The following DENND1A variants were observed in gnomAD, a reference collection of about 807,000 sequenced individuals.
DENND1A encodes DENN domain containing 1A, also known as DENN domain-containing protein 1A.
DENND1A carries 51 observed loss-of-function variants against 113.7 expected under a neutral mutation model. The observed-to-expected ratio is 0.45, with a 90% CI of 0.36 to 0.57. The LOEUF (loss-of-function observed/expected upper bound fraction) is 0.57, where lower values mean the gene tolerates loss of function less well. Among genes scored for constraint, DENND1A ranks in the 20% least tolerant of loss-of-function variants. The probability of loss-of-function intolerance (pLI) is 0.00; values close to 1 mark genes in which losing one functional copy is unlikely to be tolerated. For synonymous variants in DENND1A, 565 were observed against 570.8 expected (o/e 0.99, Z 0.14); for missense variants, 1,258 against 1,395.9 (o/e 0.90, Z 1.57).
Position 123,488,302 on chromosome 9 carries a change from G to C in DENND1A, c.994-30405C>G, listed in dbSNP as rs563066985. On this transcript the variant is annotated intron_variant, in intron 13 of 23. Transcript: ENST00000394215. ...GTTCTCCCTGGAGGGAGTCAGGCTG[G>C]GTAGCAGAAGTGGTTACAAGACCAG... 2.0e-5 allele frequency among the ~76,000 whole-genome samples: 3 copies of C among 152,306 alleles called. No homozygotes were observed. In the South Asian group the frequency reaches 6.2e-4, roughly 32 times the overall value.
intron 2 of DENND1A, among the ~76,000 whole-genome samples, chr9:123,824,212 C>T (rs1184164335): frequency 6.6e-6 from 1 of 152,124 alleles, no homozygotes; most frequent in African/African-American, 2.4e-5. Context: ...GAGAATCTGA[C>T]AAAGGAGCAG....
At chr9:123,416,044 G>C (rs150842551) in intron 19 of DENND1A, among the ~76,000 whole-genome samples, 1 of 152,186 alleles carries the variant, frequency 6.6e-6, no homozygotes, top group East Asian at 1.9e-4. Context: ...GAGTGGCCCC[G>C]GTGCTCTAGA....
At chr9:123,427,239 C>T (rs2045809637) in intron 19 of DENND1A, among the ~76,000 whole-genome samples, 1 of 152,262 alleles carries the variant, frequency 6.6e-6, no homozygotes, top group African/African-American at 2.4e-5. Context: ...GAACCACTCA[C>T]CACGAGAATG....
chr9:123,651,912 T>G (rs1271547791), intron 9 of DENND1A, 101 bp downstream of exon 9: 1 of 941,538 alleles, frequency 1.1e-6, no homozygotes, highest in African/African-American at 1.7e-5. Context: ...ATAAGGGGAC[T>G]GTAGCTGACT....
At chr9:123,587,357 C>T (rs949143152) in intron 11 of DENND1A, among the ~76,000 whole-genome samples, 8 of 152,250 alleles carry the variant, frequency 5.3e-5, no homozygotes, top group East Asian at 3.9e-4. Flanking sequence ...ACAATCTTTC[C>T]GTAACCTATG....
intron 2 of DENND1A, among the ~76,000 whole-genome samples, chr9:123,811,481 T>C (rs1319434845): frequency 6.6e-6 from 1 of 152,176 alleles, no homozygotes; most frequent in African/African-American, 2.4e-5. Context: ...CATCCACGGC[T>C]GGGCATGGTG....
intron 9 of DENND1A, among the ~76,000 whole-genome samples, chr9:123,632,755 G>A (rs551625592): frequency 6.6e-6 from 1 of 152,180 alleles, no homozygotes; most frequent in Non-Finnish European, 1.5e-5. Context: ...ATAGAGTCAT[G>A]TACTCCTTTT....
chr9:123,829,150 A>G (rs1180457556), intron 2 of DENND1A, among the ~76,000 whole-genome samples: 5 of 152,192 alleles, frequency 3.3e-5, no homozygotes, highest in Non-Finnish European at 7.4e-5. Flanking sequence ...ATAAATGAGC[A>G]ATAAATGAGT....
At chr9:123,439,577 C>T (rs1235951153) in intron 19 of DENND1A, 2 of 154,592 alleles carry the variant, frequency 1.3e-5, no homozygotes, top group Non-Finnish European at 1.5e-5. Context: ...TAATAAATGG[C>T]TACAGAATCA....
intron 11 of DENND1A, among the ~76,000 whole-genome samples, chr9:123,605,649 G>A (rs1428409261): frequency 2.0e-4 from 30 of 152,340 alleles, no homozygotes; most frequent in Non-Finnish European, 4.4e-5. Flanking sequence ...TGTCACTTTG[G>A]GAGGAAGGCG....
chr9:123,512,743 G>A (rs2053563003), intron 13 of DENND1A, among the ~76,000 whole-genome samples: 1 of 152,210 alleles, frequency 6.6e-6, no homozygotes, highest in Non-Finnish European at 1.5e-5. Flanking sequence ...TTGGGACAGT[G>A]GAAGGAGGGG....
chr9:123,427,138 G>A (rs2045798741), intron 19 of DENND1A, among the ~76,000 whole-genome samples: 1 of 152,218 alleles, frequency 6.6e-6, no homozygotes. Context: ...AACAAAAAGG[G>A]CACTTAGAGA....
At chr9:123,389,654 T>A (rs564895018) in intron 21 of DENND1A, among the ~76,000 whole-genome samples, 93 of 152,368 alleles carry the variant, frequency 6.1e-4, no homozygotes, top group African/African-American at 1.9e-3. Flanking sequence ...CCATTCTGAA[T>A]TGTGATCTTG....
chr9:123,481,048 C>G (rs1232631337), intron 13 of DENND1A, among the ~76,000 whole-genome samples: 1 of 152,194 alleles, frequency 6.6e-6, no homozygotes, highest in Non-Finnish European at 1.5e-5. Context: ...TGTTTACAAT[C>G]TTGTCCACTG....
At chr9:123,756,417 C>A (rs552847843) in intron 5 of DENND1A, among the ~76,000 whole-genome samples, 2 of 152,188 alleles carry the variant, frequency 1.3e-5, no homozygotes, top group South Asian at 4.2e-4. Flanking sequence ...TGTAAATAAT[C>A]ATTTACATCA....
intron 2 of DENND1A, among the ~76,000 whole-genome samples, chr9:123,867,114 T>C (rs1441568937): frequency 6.6e-6 from 1 of 152,188 alleles, no homozygotes; most frequent in African/African-American, 2.4e-5. Flanking sequence ...ATATCTTCAG[T>C]AAAGCTTTCT....
chr9:123,811,186 T>A (rs1836536373), intron 2 of DENND1A, among the ~76,000 whole-genome samples: 1 of 152,174 alleles, frequency 6.6e-6, no homozygotes, highest in South Asian at 2.1e-4. Flanking sequence ...GAATGCCAGA[T>A]CCACCACTTT....
At chr9:123,533,788 T>C (rs940449049) in intron 13 of DENND1A, among the ~76,000 whole-genome samples, 3 of 152,216 alleles carry the variant, frequency 2.0e-5, no homozygotes, top group Non-Finnish European at 4.4e-5. Flanking sequence ...TGGGATTTCC[T>C]GTGTTTAGTT....
At chr9:123,471,403 A>G (rs938113455) in intron 13 of DENND1A, among the ~76,000 whole-genome samples, 2 of 152,182 alleles carry the variant, frequency 1.3e-5, no homozygotes, top group Non-Finnish European at 2.9e-5. Context: ...GGGGCTAAGA[A>G]AGGATCTGTT....
Sources: gnomAD v4.1 joint callset for allele counts (sites outside exome capture counted in the v4.1 genomes callset) on GRCh38, gnomAD v4.1.1 for gene constraint, MANE v1.5 for transcripts, NCBI Gene and HGNC (gene_info 2026-07-23, HGNC 2026-07-21) for gene names.